OR1B1: variants seen among roughly 807,000 people sequenced by gnomAD.
The protein encoded by OR1B1 is olfactory receptor 1B1.
For missense variants in OR1B1, 414 were observed against 402.1 expected, an observed-to-expected ratio of 1.03 and a Z score of -0.25; for synonymous variants, 168 against 156.2, an observed-to-expected ratio of 1.08 and a Z score of -0.57.
chr9:122,654,599 A>C, the OR1B1 span, among the ~76,000 whole-genome samples: 2 of 152,142 alleles, frequency 1.3e-5, no homozygotes, highest in African/African-American at 4.8e-5. Flanking sequence ...AAAACTTTTC[A>C]TCCCTAAAGC....
the OR1B1 span, among the ~76,000 whole-genome samples, chr9:122,651,086 T>C: frequency 1.3e-5 from 2 of 152,204 alleles, no homozygotes; most frequent in African/African-American, 4.8e-5. Context: ...TTCTTCATAA[T>C]ATATCTGATG....
the OR1B1 span, among the ~76,000 whole-genome samples, chr9:122,636,211 G>A: frequency 0.025 from 3,813 of 152,226 alleles, 156 homozygotes; most frequent in East Asian, 0.19. Flanking sequence ...AAGTAACTTC[G>A]TAAATACTGA....
the OR1B1 span, among the ~76,000 whole-genome samples, chr9:122,643,678 G>T: frequency 5.9e-4 from 90 of 152,316 alleles, 1 homozygote; most frequent in Non-Finnish European, 7.6e-4. Flanking sequence ...CCAAACCCAG[G>T]CAGTGCAGTT....
chr9:122,635,853 G>C, the OR1B1 span, among the ~76,000 whole-genome samples: 2 of 151,842 alleles, frequency 1.3e-5, no homozygotes, highest in South Asian at 4.1e-4. Context: ...AATTCGAAGA[G>C]GTTATATTAA....
the OR1B1 span, among the ~76,000 whole-genome samples, chr9:122,655,825 C>A: frequency 6.6e-6 from 1 of 151,404 alleles, no homozygotes; most frequent in African/African-American, 2.4e-5. Flanking sequence ...TGCACATGTA[C>A]CCCAGAGCTT....
the OR1B1 span, among the ~76,000 whole-genome samples, chr9:122,635,310 G>A: frequency 4.7e-3 from 711 of 152,148 alleles, 5 homozygotes; most frequent in African/African-American, 0.016. Flanking sequence ...AGAACCTTAC[G>A]TTTTAAAAAC....
At chr9:122,636,935 AAG>A in the OR1B1 span, among the ~76,000 whole-genome samples, 121 of 152,376 alleles carry the variant, frequency 7.9e-4, no homozygotes, top group Non-Finnish European at 1.5e-3. Context: ...ATATTCCGTT[AAG>A]AGAGTATTTT....
chr9:122,641,398 G>T, the OR1B1 span, among the ~76,000 whole-genome samples: 1 of 152,176 alleles, frequency 6.6e-6, no homozygotes, highest in Non-Finnish European at 1.5e-5. Flanking sequence ...TTCTTCAAGA[G>T]ATAATTGAAA....
chr9:122,632,222 G>A (rs1830209842), upstream of OR1B1, among the ~76,000 whole-genome samples: 2 of 151,770 alleles, frequency 1.3e-5, no homozygotes, highest in East Asian at 1.9e-4. Flanking sequence ...TAACCAATCT[G>A]TTAAGGAATA....
downstream of OR1B1, among the ~76,000 whole-genome samples, chr9:122,628,126 C>A (rs1038003764): frequency 1.3e-5 from 2 of 152,068 alleles, no homozygotes; most frequent in African/African-American, 4.8e-5. Context: ...AGGTAGCGAA[C>A]TTAGCCCTAT....
At chr9:122,643,663 C>T in the OR1B1 span, among the ~76,000 whole-genome samples, 1 of 152,216 alleles carries the variant, frequency 6.6e-6, no homozygotes, top group Non-Finnish European at 1.5e-5. Context: ...GGCGCCATAC[C>T]TCCTCCAAAC....
chr9:122,634,250 C>G (rs997646572), upstream of OR1B1, among the ~76,000 whole-genome samples: 1 of 151,014 alleles, frequency 6.6e-6, no homozygotes, highest in Non-Finnish European at 1.5e-5. Context: ...GCAGGAGAAT[C>G]GCTTGAACCC....
chr9:122,634,136 A>C (rs1383594743), upstream of OR1B1, among the ~76,000 whole-genome samples: 1 of 152,112 alleles, frequency 6.6e-6, no homozygotes, highest in Non-Finnish European at 1.5e-5. Context: ...CGGGAGTTTG[A>C]GACCAACCTG....
chr9:122,652,126 T>C, the OR1B1 span, among the ~76,000 whole-genome samples: 2,823 of 152,326 alleles, frequency 0.019, 86 homozygotes, highest in African/African-American at 0.064. Context: ...AAATTAGAAA[T>C]ATTTTTCAAT....
the OR1B1 span, among the ~76,000 whole-genome samples, chr9:122,646,058 T>A: frequency 6.6e-6 from 1 of 152,074 alleles, no homozygotes; most frequent in African/African-American, 2.4e-5. Flanking sequence ...AAAGTTAAAG[T>A]GTAGAGTTTT....
At chr9:122,644,896 C>T in the OR1B1 span, among the ~76,000 whole-genome samples, 1 of 152,150 alleles carries the variant, frequency 6.6e-6, no homozygotes, top group African/African-American at 2.4e-5. Context: ...TGAACATCTA[C>T]AAGCATCAAC....
downstream of OR1B1, among the ~76,000 whole-genome samples, chr9:122,628,417 G>A (rs544468011): frequency 7.9e-5 from 12 of 152,282 alleles, no homozygotes; most frequent in East Asian, 3.9e-4. Flanking sequence ...TATGAATGTG[G>A]AATGTTCATG....
the OR1B1 span, among the ~76,000 whole-genome samples, chr9:122,637,805 C>T: frequency 6.6e-6 from 1 of 151,984 alleles, no homozygotes; most frequent in Non-Finnish European, 1.5e-5. Flanking sequence ...TTTTGTAGCC[C>T]AATATGTGGC....
At chr9:122,639,242 C>G in the OR1B1 span, among the ~76,000 whole-genome samples, 1 of 151,996 alleles carries the variant, frequency 6.6e-6, no homozygotes, top group Non-Finnish European at 1.5e-5. Flanking sequence ...GATTTTGATA[C>G]ATCTATAGAT....
Sources: gnomAD v4.1 joint callset for allele counts (sites outside exome capture counted in the v4.1 genomes callset) on GRCh38, gnomAD v4.1.1 for gene constraint, MANE v1.5 for transcripts, NCBI Gene and HGNC (gene_info 2026-07-23, HGNC 2026-07-21) for gene names.